Variants in C14orf132 observed in about 807,000 individuals in gnomAD.
C14orf132 encodes the protein uncharacterized protein C14orf132.
A neutral mutation model predicts 5.8 loss-of-function variants in C14orf132; 6 were observed. That is an observed-to-expected ratio of 1.03 (90% CI 0.57 to 2.04). C14orf132 has a LOEUF of 2.04. C14orf132 is among the 30% of genes most tolerant of loss of function. The probability of loss-of-function intolerance (pLI) is 0.00; values close to 1 mark genes in which losing one functional copy is unlikely to be tolerated. For missense variants in C14orf132, 125 were observed against 115.8 expected (o/e 1.08, Z -0.37); for synonymous variants, 51 against 49.8 (o/e 1.02, Z -0.10).
At position 96,086,625 on chromosome 14, in the gene C14orf132, C is replaced by T; in HGVS notation, c.142C>T (p.Pro48Ser). ...VHAAANGQGQ[P>S]EDPPRSSNDA... Reference sequence around the variant, plus strand: ...CGCGGCTGCCAATGGCCAGGGCCAGCCGGAAGATCCTCCTCGGTCCTCCAA... The same window carrying T: ...CGCGGCTGCCAATGGCCAGGGCCAGTCGGAAGATCCTCCTCGGTCCTCCAA... Residue 48 changes from proline (P) to serine (S), a missense_variant, in exon 2 of 2, where the codon CCG becomes TCG. Coordinates refer to ENST00000555004, the MANE Select transcript of C14orf132 (RefSeq NM_001252507.3). 6.5e-7 allele frequency: 1 copy of T among 1,536,156 alleles called. No individual in the cohort carries two copies. The highest frequency in any genetic ancestry group is 8.7e-7 in the Non-Finnish European group (1 of 1,146,914).
intron 1 of C14orf132, among the ~76,000 whole-genome samples, chr14:96,041,635 G>A (rs898447595): frequency 2.6e-5 from 4 of 152,232 alleles, no homozygotes; most frequent in African/African-American, 9.6e-5. Flanking sequence ...TGCTTGGCTG[G>A]AGCAAGTGCT....
In C14orf132 at chr14:96,039,471, G is replaced by A. The variant is rs1322112972; in HGVS notation, c.-30G>A. 3 of 1,495,586 alleles carry A rather than the reference G, an allele frequency of 2.0e-6. No homozygotes were observed. Among genetic ancestry groups the A allele is most frequent in the Non-Finnish European group, 1.8e-6 (2 of 1,124,478 alleles). The allele number at this position is 1,495,586 out of a possible 1,614,324, so 92.6% of individuals were successfully genotyped here. A position where few individuals can be genotyped will look rare whatever the true frequency, so the allele number is the denominator to read the frequency against. On this transcript the variant is annotated 5_prime_UTR_variant, in exon 1 of 2. Coordinates refer to ENST00000555004, the MANE Select transcript of C14orf132 (RefSeq NM_001252507.3). The surrounding 1 kb of genome is among the most constrained non-coding windows in gnomAD (Gnocchi z 5.3). ...GACCCGCAGCGGCAGCGGCAGCAGC[G>A]AGGACTCGAGCGCTGGCTGCAGCGA... is the stretch of plus-strand genomic sequence containing the variant.
At chr14:96,061,193 G>A (rs141794138) in intron 1 of C14orf132, among the ~76,000 whole-genome samples, 1 of 152,200 alleles carries the variant, frequency 6.6e-6, no homozygotes, top group Non-Finnish European at 1.5e-5. Flanking sequence ...AGCACCTCAG[G>A]GAGGGAAATA....
chr14:96,063,288 C>T (rs766232104), intron 1 of C14orf132, among the ~76,000 whole-genome samples: 15 of 152,064 alleles, frequency 9.9e-5, no homozygotes, highest in Non-Finnish European at 2.1e-4. Flanking sequence ...ACCCAAGGAA[C>T]AGGACTGTGG....
chr14:96,065,487 T>TG (rs1478302786), intron 1 of C14orf132, among the ~76,000 whole-genome samples: 1 of 152,132 alleles, frequency 6.6e-6, no homozygotes, highest in South Asian at 2.1e-4. Flanking sequence ...CACTCCAGTA[T>TG]GCGTGTGCTC....
At chr14:96,084,258 A>T (rs1888113524) in intron 1 of C14orf132, among the ~76,000 whole-genome samples, 1 of 152,224 alleles carries the variant, frequency 6.6e-6, no homozygotes, top group South Asian at 2.1e-4. Flanking sequence ...ACGCTGGTTA[A>T]TTCCTGGGAA....
chr14:96,040,033 C>T (rs1046127600), intron 1 of C14orf132, among the ~76,000 whole-genome samples: 2 of 151,974 alleles, frequency 1.3e-5, no homozygotes, highest in South Asian at 2.1e-4. Context: ...GCTTTGTGAC[C>T]GTGACCCGCC....
At chr14:96,049,603 TATATATAC>T (rs1886957196) in intron 1 of C14orf132, among the ~76,000 whole-genome samples, 1 of 117,368 alleles carries the variant, frequency 8.5e-6, no homozygotes, top group East Asian at 2.4e-4. Flanking sequence ...TATATACGTA[TATATATAC>T]ATATATACGT....
At chr14:96,061,713 C>G (rs186079400) in intron 1 of C14orf132, among the ~76,000 whole-genome samples, 2 of 152,158 alleles carry the variant, frequency 1.3e-5, no homozygotes, top group Admixed American at 6.5e-5. Flanking sequence ...TGGCTTGAGG[C>G]CAGGAGCTGG....
chr14:96,086,388 T>A, intron 1 of C14orf132, 123 bp from the exon 2 acceptor site: 1 of 786,536 alleles, frequency 1.3e-6, no homozygotes, highest in Non-Finnish European at 2.0e-6. Context: ...AAGCCCCATT[T>A]TGCAGGTGCA....
At chr14:96,050,711 T>C (rs1015049923) in intron 1 of C14orf132, among the ~76,000 whole-genome samples, 1 of 152,094 alleles carries the variant, frequency 6.6e-6, no homozygotes, top group African/African-American at 2.4e-5. Context: ...TACTGCTCCA[T>C]GGCCTGGAAA....
At chr14:96,069,692 T>C (rs1039694837) in intron 1 of C14orf132, among the ~76,000 whole-genome samples, 1 of 152,170 alleles carries the variant, frequency 6.6e-6, no homozygotes, top group African/African-American at 2.4e-5. Context: ...GGGACCTCCA[T>C]GAGTTACTTA....
At chr14:96,079,768 C>T (rs1475494075) in intron 1 of C14orf132, among the ~76,000 whole-genome samples, 1 of 151,954 alleles carries the variant, frequency 6.6e-6, no homozygotes, top group Non-Finnish European at 1.5e-5. Context: ...GTGCTAGGTC[C>T]CCCAGAGAGC....
At chr14:96,085,559 A>C (rs1211981732) in intron 1 of C14orf132, among the ~76,000 whole-genome samples, 1 of 152,202 alleles carries the variant, frequency 6.6e-6, no homozygotes, top group Non-Finnish European at 1.5e-5. Flanking sequence ...CTGATTCATG[A>C]ATGCAAACAT....
In C14orf132 at chr14:96,049,653, T is replaced by TATACGTATATATAGAGAGAGAGAG. The variant is rs371381526; in HGVS notation, c.27+10127_27+10128insTACGTATATATAGAGAGAGAGAGA. 2.8e-4 allele frequency among the ~76,000 whole-genome samples: 23 copies of TATACGTATATATAGAGAGAGAGAG among 82,280 alleles called. 1 individual carries two copies. Among genetic ancestry groups the TATACGTATATATAGAGAGAGAGAG allele is most frequent in the Admixed American group, 1.4e-3 (11 of 7,694 alleles). The allele number at this position is 82,280 out of a possible 152,430, so 54.0% of individuals were successfully genotyped here. ...ATACATATATACGTATATATATATA[T>TATACGTATATATAGAGAGAGAGAG]AGAGAGAGAGAGAGAGAGAGTTCTG... On this transcript the variant is annotated intron_variant, in intron 1 of 1. Coordinates refer to ENST00000555004, the MANE Select transcript of C14orf132 (RefSeq NM_001252507.3).
At chr14:96,050,565 C>T (rs569091701) in intron 1 of C14orf132, among the ~76,000 whole-genome samples, 7 of 152,122 alleles carry the variant, frequency 4.6e-5, no homozygotes, top group African/African-American at 1.4e-4. Context: ...TGGTCCCTCT[C>T]TCAAACCCCA....
intron 1 of C14orf132, among the ~76,000 whole-genome samples, chr14:96,049,041 C>T (rs1008826292): frequency 6.6e-6 from 1 of 152,160 alleles, no homozygotes; most frequent in African/African-American, 2.4e-5. Context: ...TCTCCTGCCT[C>T]GGCATCCCGA....
intron 1 of C14orf132, among the ~76,000 whole-genome samples, chr14:96,063,598 C>A (rs996851347): frequency 6.6e-6 from 1 of 152,124 alleles, no homozygotes; most frequent in Admixed American, 6.5e-5. Context: ...GGTGAGCCAC[C>A]ACACCCAGCC....
chr14:96,086,530 C>T lies in C14orf132; in HGVS notation c.47C>T (p.Ala16Val). ...MAAQLPMMGGAFMDSPNEDFS... is the reference protein window; with the variant it reads ...MAAQLPMMGGVFMDSPNEDFS... ...TTGCAGCTGCCCATGATGGGGGGAGCTTTCATGGACTCGCCCAACGAGGAC... is the reference window on the plus strand; with the variant it reads ...TTGCAGCTGCCCATGATGGGGGGAGTTTTCATGGACTCGCCCAACGAGGAC... Residue 16 changes from alanine (A) to valine (V), a missense_variant, in exon 2 of 2, where the codon GCT becomes GTT. Coordinates refer to ENST00000555004, the MANE Select transcript of C14orf132 (RefSeq NM_001252507.3). The T allele has an allele frequency of 1.3e-6, 2 of 1,536,136 alleles. No homozygotes were observed. Among genetic ancestry groups the T allele is most frequent in the Non-Finnish European group, 8.7e-7 (1 of 1,146,896 alleles).
Sources: gnomAD v4.1 joint callset for allele counts (sites outside exome capture counted in the v4.1 genomes callset) on GRCh38, gnomAD v4.1.1 for gene constraint, Gnocchi (gnomAD v3.1) non-coding constraint, MANE v1.5 for transcripts, NCBI Gene and HGNC (gene_info 2026-07-23, HGNC 2026-07-21) for gene names.